The following NLGN1 variants were observed in gnomAD, a reference collection of about 807,000 sequenced individuals.
NLGN1 encodes the protein neuroligin-1.
NLGN1 carries 12 observed loss-of-function variants against 65.5 expected under a neutral mutation model. The observed-to-expected ratio is 0.18, with a 90% CI of 0.12 to 0.30. The LOEUF (loss-of-function observed/expected upper bound fraction) is 0.30, where lower values mean the gene tolerates loss of function less well. Among genes scored for constraint, NLGN1 ranks in the 10% least tolerant of loss-of-function variants. The pLI is 1.00. For synonymous variants in NLGN1, 350 were observed against 359.5 expected, an observed-to-expected ratio of 0.97 and a Z score of 0.30; for missense variants, 750 against 1,007.1, an observed-to-expected ratio of 0.74 and a Z score of 3.46.
chr3:174,138,209 T>A (rs1721577045), intron 4 of NLGN1, among the ~76,000 whole-genome samples: 2 of 152,122 alleles, frequency 1.3e-5, no homozygotes, highest in Non-Finnish European at 2.9e-5. Context: ...TATATAGCAG[T>A]TATTTGAAAT....
chr3:173,802,887 T>C (rs1439264320), intron 3 of NLGN1, among the ~76,000 whole-genome samples: 12 of 151,850 alleles, frequency 7.9e-5, no homozygotes, highest in Non-Finnish European at 1.5e-5. Context: ...TCATGGAGAC[T>C]GGAGGGCAGT....
At chr3:174,196,192 C>A (rs1005808418) in intron 4 of NLGN1, among the ~76,000 whole-genome samples, 1 of 152,176 alleles carries the variant, frequency 6.6e-6, no homozygotes, top group African/African-American at 2.4e-5. Context: ...ATGTGCCTGG[C>A]AATAGGGTCT....
At chr3:174,174,633 ATT>A in intron 4 of NLGN1, among the ~76,000 whole-genome samples, 1 of 152,012 alleles carries the variant, frequency 6.6e-6, no homozygotes, top group Middle Eastern at 3.4e-3. Flanking sequence ...TCTTCTGAGA[ATT>A]GTCTATTCAT....
At chr3:173,821,101 C>T (rs1413620121) in intron 4 of NLGN1, among the ~76,000 whole-genome samples, 88 of 152,098 alleles carry the variant, frequency 5.8e-4, no homozygotes, top group Non-Finnish European at 1.8e-4. Context: ...AAATTTTTCC[C>T]CAAATATGGA....
At position 174,279,322 on chromosome 3, in the gene NLGN1, A is replaced by G; in HGVS notation, c.1321A>G (p.Thr441Ala). The G allele has an allele frequency of 6.2e-7, 1 of 1,613,458 alleles. No individual in the cohort carries two copies. Among genetic ancestry groups the G allele is most frequent in the South Asian group, 1.1e-5 (1 of 91,080 alleles). Residue 441 changes from threonine (T) to alanine (A), a missense_variant, in exon 6 of 7, where the codon ACT becomes GCT. Physicochemically the swap from Thr to Ala is moderately conservative, Grantham distance 58. Coordinates refer to ENST00000457714, the Ensembl canonical transcript of NLGN1. The surrounding 1 kb of genome is among the most constrained non-coding windows in gnomAD (Gnocchi z 4.7). ...GAGAGAAACCATTAAGTTCATGTATACTGACTGGGCTGACCGTCATAACCC... is the reference window on the plus strand; with the variant it reads ...GAGAGAAACCATTAAGTTCATGTATGCTGACTGGGCTGACCGTCATAACCC...
intron 4 of NLGN1, among the ~76,000 whole-genome samples, chr3:174,105,399 A>G (rs1713494983): frequency 6.6e-6 from 1 of 151,940 alleles, no homozygotes; most frequent in African/African-American, 2.4e-5. Context: ...TTAGCCAGGC[A>G]TGGTGGCACG....
chr3:173,610,592 G>C (rs1037675842), intron 3 of NLGN1, among the ~76,000 whole-genome samples: 1 of 151,984 alleles, frequency 6.6e-6, no homozygotes, highest in Non-Finnish European at 1.5e-5. Context: ...ACATTATGAG[G>C]TCTGGAAGAA....
intron 1 of NLGN1, among the ~76,000 whole-genome samples, chr3:173,399,310 A>G (rs570215234): frequency 2.0e-5 from 3 of 152,338 alleles, no homozygotes; most frequent in South Asian, 2.1e-4. Context: ...GAGGGAGTCA[A>G]TCTTTCAGCA....
chr3:173,866,746 C>T (rs998724718), intron 4 of NLGN1, among the ~76,000 whole-genome samples: 1 of 152,054 alleles, frequency 6.6e-6, no homozygotes, highest in Non-Finnish European at 1.5e-5. Flanking sequence ...TTCAATAAAG[C>T]CATGTTTTCT....
intron 3 of NLGN1, among the ~76,000 whole-genome samples, chr3:173,759,457 A>G (rs1392646413): frequency 6.6e-6 from 1 of 151,978 alleles, no homozygotes; most frequent in Non-Finnish European, 1.5e-5. Flanking sequence ...TCTCTATGGG[A>G]GTGGAGTCAC....
rs1304510268 is a variant in NLGN1 at position 173,895,351 on chromosome 3, C to CT, written c.646+87520dup. Among the ~76,000 whole-genome samples the CT allele has an allele frequency of 3.3e-5, 5 of 152,126 alleles. 1 individual carries two copies. The highest frequency in any genetic ancestry group is 6.5e-5 in the Admixed American group (1 of 15,282). On this transcript the variant is annotated intron_variant, in intron 4 of 6. Coordinates refer to ENST00000457714, the Ensembl canonical transcript of NLGN1. Reference sequence around the variant, plus strand: ...ATTTTATTACAAAGGCATCAAGATGCTAGCAGGTGATGATCTCTACCAGGA... The same window carrying CT: ...ATTTTATTACAAAGGCATCAAGATGCTTAGCAGGTGATGATCTCTACCAGGA...
At chr3:173,609,238 A>G (rs58616262) in intron 3 of NLGN1, among the ~76,000 whole-genome samples, 5 of 151,978 alleles carry the variant, frequency 3.3e-5, no homozygotes, top group Non-Finnish European at 2.9e-5. Context: ...CTCTTCTAAG[A>G]TGGATACAGA....
At position 174,279,421 on chromosome 3, in the gene NLGN1, G is replaced by T. The variant is rs1224750292; in HGVS notation, c.1420G>T (p.Asp474Tyr). Residue 474 changes from aspartate (D) to tyrosine (Y), a missense_variant, in exon 6 of 7, where the codon GAT becomes TAT. Transcript: ENST00000457714. This position sits in a 1 kb window ranked among gnomAD's most constrained non-coding sequence, Gnocchi z 4.7. ...GGTGGCACCAGCTGTAGCCACAGCGGATCTTCACTCAAACTTTGGTTCACC... is the reference window on the plus strand; with the variant it reads ...GGTGGCACCAGCTGTAGCCACAGCGTATCTTCACTCAAACTTTGGTTCACC... The T allele has an allele frequency of 6.2e-7, 1 of 1,613,256 alleles. No individual in the cohort carries two copies. The highest frequency in any genetic ancestry group is 8.5e-7 in the Non-Finnish European group (1 of 1,179,536).
intron 4 of NLGN1, among the ~76,000 whole-genome samples, chr3:174,124,934 C>T (rs1208227663): frequency 6.6e-6 from 1 of 151,842 alleles, no homozygotes; most frequent in African/African-American, 2.4e-5. Context: ...ATTAGAAGGG[C>T]CAGCAGATTG....
At chr3:174,043,686 C>G (rs1255426003) in intron 4 of NLGN1, among the ~76,000 whole-genome samples, 1 of 152,214 alleles carries the variant, frequency 6.6e-6, no homozygotes, top group Non-Finnish European at 1.5e-5. Context: ...CAGCACCCCT[C>G]CCAGCTGCTT....
At chr3:173,501,729 A>C (rs1731158367) in intron 2 of NLGN1, among the ~76,000 whole-genome samples, 1 of 151,488 alleles carries the variant, frequency 6.6e-6, no homozygotes. Flanking sequence ...ATAAAATTCT[A>C]TAAATTCTAT....
intron 4 of NLGN1, among the ~76,000 whole-genome samples, chr3:173,916,455 G>A (rs1162651276): frequency 2.0e-5 from 3 of 152,208 alleles, no homozygotes; most frequent in East Asian, 1.9e-4. Context: ...GCACATTATT[G>A]CAATATAGCC....
chr3:173,503,690 T>C (rs765325674), intron 2 of NLGN1, among the ~76,000 whole-genome samples: 1 of 152,072 alleles, frequency 6.6e-6, no homozygotes, highest in African/African-American at 2.4e-5. Context: ...AGGAATCATA[T>C]TATCTTTTTG....
chr3:173,434,954 T>C (rs895575722), intron 1 of NLGN1: 1 of 152,626 alleles, frequency 6.6e-6, no homozygotes, highest in African/African-American at 2.4e-5. Context: ...AGTTGCTCAG[T>C]TCCGTGTCAC....
Sources: gnomAD v4.1 joint callset for allele counts (sites outside exome capture counted in the v4.1 genomes callset) on GRCh38, gnomAD v4.1.1 for gene constraint, Gnocchi (gnomAD v3.1) non-coding constraint, MANE v1.5 for transcripts, NCBI Gene and HGNC (gene_info 2026-07-23, HGNC 2026-07-21) for gene names.